Variants in ADAMTSL1 observed in about 807,000 individuals in gnomAD.
ADAMTSL1 encodes ADAMTS like 1, also known as ADAMTS-like protein 1.
A neutral mutation model predicts 201.8 loss-of-function variants in ADAMTSL1; 126 were observed. The observed-to-expected ratio is 0.62, with a 90% confidence interval of 0.54 to 0.72. The LOEUF (loss-of-function observed/expected upper bound fraction) is 0.72. Ranked by LOEUF, ADAMTSL1 falls within the 30% of genes least tolerant of loss-of-function variation. The pLI is 0.00. For missense variants in ADAMTSL1, 2,679 were observed against 2,277.8 expected (o/e 1.18, Z -3.59); for synonymous variants, 1,121 against 903.4 (o/e 1.24, Z -4.32).
chr9:18,898,105 C>T (rs1398666799), intron 26 of ADAMTSL1, among the ~76,000 whole-genome samples: 1 of 152,044 alleles, frequency 6.6e-6, no homozygotes, highest in Admixed American at 6.5e-5. Flanking sequence ...AGGAGAATCA[C>T]TTGAACCCAG....
At chr9:18,325,854 C>T (rs571579545) in intron 2 of ADAMTSL1, among the ~76,000 whole-genome samples, 1 of 152,140 alleles carries the variant, frequency 6.6e-6, no homozygotes, top group Admixed American at 6.6e-5. Context: ...GATTCTCCTG[C>T]CTCCGCCTCC....
rs59702319 is a variant in ADAMTSL1 at position 18,689,068 on chromosome 9, G to A, written c.1574+4268G>A. Among the ~76,000 whole-genome samples the A allele has an allele frequency of 2.0e-5, 3 of 152,126 alleles. No individual in the cohort carries two copies. The East Asian group carries it at 5.8e-4, about 29-fold the overall frequency. On this transcript the variant is annotated intron_variant, in intron 13 of 28. Coordinates refer to ENST00000380548, the MANE Select transcript of ADAMTSL1 (RefSeq NM_001040272.6). ...GTTGCTTTCATGGAAAAATATATAG[G>A]AATAGCTTTCTAGGTCTTTTTGGAA...
chr9:18,143,217 T>C (rs1260080226), intron 1 of ADAMTSL1, among the ~76,000 whole-genome samples: 1 of 152,226 alleles, frequency 6.6e-6, no homozygotes, highest in East Asian at 1.9e-4. Context: ...AGACTCTGGA[T>C]TGGCATGTTC....
chr9:18,454,521 C>G (rs1820531290), intron 2 of ADAMTSL1, among the ~76,000 whole-genome samples: 1 of 152,104 alleles, frequency 6.6e-6, no homozygotes, highest in Non-Finnish European at 1.5e-5. Context: ...CTAAAATTAC[C>G]CATCACAGAG....
intron 2 of ADAMTSL1, among the ~76,000 whole-genome samples, chr9:18,465,401 T>C (rs1394456027): frequency 1.3e-5 from 2 of 152,066 alleles, no homozygotes; most frequent in Non-Finnish European, 2.9e-5. Context: ...TATCCCAGAG[T>C]TTCAGGAAGC....
chr9:18,787,521 G>A (rs1164831106), intron 19 of ADAMTSL1, among the ~76,000 whole-genome samples: 3 of 152,040 alleles, frequency 2.0e-5, no homozygotes, highest in Non-Finnish European at 4.4e-5. Context: ...CCAGAAAAGT[G>A]GTTAACTGTT....
chr9:18,252,737 A>G (rs1414398496), intron 2 of ADAMTSL1, among the ~76,000 whole-genome samples: 1 of 152,176 alleles, frequency 6.6e-6, no homozygotes. Context: ...CTTCAAGAGT[A>G]AAATTATCTA....
At chr9:18,387,413 C>T (rs181715635) in intron 2 of ADAMTSL1, among the ~76,000 whole-genome samples, 1 of 152,032 alleles carries the variant, frequency 6.6e-6, no homozygotes, top group Non-Finnish European at 1.5e-5. Context: ...TATATTTCAT[C>T]CCCTTCCTTC....
intron 2 of ADAMTSL1, among the ~76,000 whole-genome samples, chr9:18,188,594 G>C (rs981994003): frequency 6.6e-6 from 1 of 152,140 alleles, no homozygotes; most frequent in Non-Finnish European, 1.5e-5. Context: ...AGGGAAAATA[G>C]TGCAATAATT....
chr9:18,614,314 G>A (rs1019822812), intron 4 of ADAMTSL1, among the ~76,000 whole-genome samples: 6 of 152,120 alleles, frequency 3.9e-5, no homozygotes, highest in African/African-American at 1.4e-4. Flanking sequence ...ACCTCAAGGG[G>A]AACATGGTAT....
intron 1 of ADAMTSL1, among the ~76,000 whole-genome samples, chr9:18,159,375 A>G (rs1205274110): frequency 4.6e-5 from 7 of 152,146 alleles, no homozygotes; most frequent in Admixed American, 2.6e-4. Context: ...AAGAAAGAAG[A>G]ACAATAAACT....
At chr9:18,052,406 G>T (rs1400698477) in intron 1 of ADAMTSL1, among the ~76,000 whole-genome samples, 1 of 152,208 alleles carries the variant, frequency 6.6e-6, no homozygotes. Context: ...GAGCCTTAAA[G>T]AATGAGTAAG....
At chr9:18,865,885 A>C (rs1827498910) in intron 23 of ADAMTSL1, among the ~76,000 whole-genome samples, 1 of 152,086 alleles carries the variant, frequency 6.6e-6, no homozygotes, top group African/African-American at 2.4e-5. Flanking sequence ...CTGCCTGCTG[A>C]TGGCCTCTTT....
intron 1 of ADAMTSL1, among the ~76,000 whole-genome samples, chr9:18,137,894 C>T (rs1826225498): frequency 6.6e-6 from 1 of 152,100 alleles, no homozygotes; most frequent in Non-Finnish European, 1.5e-5. Context: ...GCATCTTTGA[C>T]CTAAGACTCA....
intron 2 of ADAMTSL1, among the ~76,000 whole-genome samples, chr9:18,454,375 C>G (rs1820525655): frequency 6.6e-6 from 1 of 152,134 alleles, no homozygotes; most frequent in Admixed American, 6.5e-5. Flanking sequence ...GGTGCCCACC[C>G]ACATTGAGGG....
intron 2 of ADAMTSL1, among the ~76,000 whole-genome samples, chr9:18,164,881 C>T (rs551214584): frequency 1.3e-5 from 2 of 151,998 alleles, no homozygotes; most frequent in East Asian, 3.9e-4. Flanking sequence ...AATTGGCTCT[C>T]TTCATTGCCA....
intron 2 of ADAMTSL1, among the ~76,000 whole-genome samples, chr9:18,409,768 C>T (rs2133306087): frequency 6.7e-6 from 1 of 149,710 alleles, no homozygotes; most frequent in South Asian, 2.1e-4. Flanking sequence ...TATATGTATA[C>T]ATACATACAT....
chr9:18,305,118 CTCCTAG>C (rs1210987819), intron 2 of ADAMTSL1, among the ~76,000 whole-genome samples: 3 of 152,188 alleles, frequency 2.0e-5, no homozygotes, highest in Admixed American at 2.0e-4. Flanking sequence ...GGAACTCCCT[CTCCTAG>C]ACAAGGGAAG....
chr9:18,683,479 C>T (rs1401526104), intron 12 of ADAMTSL1, among the ~76,000 whole-genome samples: 2 of 151,954 alleles, frequency 1.3e-5, no homozygotes, highest in Admixed American at 6.5e-5. Context: ...GTAATCGCCT[C>T]GGCCTCCCAA....
Sources: allele counts gnomAD v4.1 joint callset (sites outside exome capture counted in the v4.1 genomes callset), GRCh38; gene constraint gnomAD v4.1.1; transcripts MANE v1.5; gene names NCBI Gene and HGNC (gene_info 2026-07-23, HGNC 2026-07-21).